The following C16orf89 variants were observed in gnomAD, a reference collection of about 807,000 sequenced individuals.
C16orf89 encodes the protein chromosome 16 open reading frame 89, also known as UPF0764 protein C16orf89.
A neutral mutation model predicts 41.5 loss-of-function variants in C16orf89; 57 were observed. The observed-to-expected ratio is 1.38, with a 90% CI of 1.11 to 1.71. C16orf89 has a LOEUF of 1.71. C16orf89 is among the 40% of genes most tolerant of loss of function. The probability of loss-of-function intolerance (pLI) is 0.00; values close to 1 mark genes in which losing one functional copy is unlikely to be tolerated. For synonymous variants in C16orf89, 223 were observed against 190.6 expected, an observed-to-expected ratio of 1.17 and a Z score of -1.40; for missense variants, 575 against 445.9, an observed-to-expected ratio of 1.29 and a Z score of -2.61.
intron 2 of C16orf89, 68 bp downstream of exon 2, chr16:5,062,357 G>C (rs1416570707): frequency 3.3e-6 from 5 of 1,505,546 alleles, no homozygotes; most frequent in Admixed American, 2.0e-5. Context: ...AGCCCACGCT[G>C]GGTTATTTCA....
chr16:5,045,148 C>T (rs148347414), intron 7 of C16orf89, among the ~76,000 whole-genome samples: 11 of 152,336 alleles, frequency 7.2e-5, no homozygotes, highest in African/African-American at 2.2e-4. Flanking sequence ...CCTGGCTTAG[C>T]CTGCTTCCCT....
chr16:5,050,930 C>A (rs1956384157), intron 6 of C16orf89, among the ~76,000 whole-genome samples: 1 of 152,038 alleles, frequency 6.6e-6, no homozygotes, highest in South Asian at 2.1e-4. Flanking sequence ...TACATTACAC[C>A]AATAGAATGA....
rs1483256990 is a variant in C16orf89, at chr16:5,058,577, G to A, written c.543C>T (p.Asp181=). 3.7e-6 allele frequency: 6 copies of A among 1,612,582 alleles called. No homozygotes were observed. The highest frequency in any genetic ancestry group is 5.1e-6 in the Non-Finnish European group (6 of 1,179,870). The change falls in exon 4 of 8, where the codon GAC becomes GAT. Residue 181 remains aspartate (D), a synonymous_variant. Coordinates refer to ENST00000472572, the MANE Select transcript of C16orf89 (RefSeq NM_001098514.3). ...GCTTGGTCATGAGGCTCCTGCAGAG[G>A]TCTGAGAGGCCGCAGGGCTCGCTGC... ...TDSSEPCGLS[D]LCRSLMTKPG...
At chr16:5,061,502 A>AAAAG (rs796550657) in intron 2 of C16orf89, among the ~76,000 whole-genome samples, 7,565 of 46,454 alleles carry the variant, frequency 0.16, 1,628 homozygotes, top group Non-Finnish European at 0.18. Flanking sequence ...AAAAAAAAAA[A>AAAAG]AACCCCCCCA....
intron 2 of C16orf89, among the ~76,000 whole-genome samples, chr16:5,060,653 A>G (rs1406644885): frequency 6.6e-6 from 1 of 152,124 alleles, no homozygotes; most frequent in African/African-American, 2.4e-5. Context: ...AGGAACAGTG[A>G]TGGGACGGGA....
chr16:5,050,076 T>C (rs931527045), intron 6 of C16orf89, among the ~76,000 whole-genome samples: 1 of 152,040 alleles, frequency 6.6e-6, no homozygotes, highest in Non-Finnish European at 1.5e-5. Flanking sequence ...TTAGAAAACC[T>C]AGTGGAGTGT....
At position 5,065,860 on chromosome 16, in the gene C16orf89, G is replaced by C. The variant is rs551406373; in HGVS notation, c.49C>G (p.Pro17Ala). 1.1e-5 allele frequency: 17 copies of C among 1,614,226 alleles called. No homozygotes were observed. The East Asian group carries it at 3.3e-4, about 32-fold the overall frequency. Residue 17 changes from proline to alanine, a missense_variant, in exon 1 of 8, where the codon CCG becomes GCG. By Grantham distance (27) the Pro-to-Ala change is conservative. Transcript: ENST00000472572. ...LLLLLLTALPPLWSSSLPGLD... is the reference protein window; with the variant it reads ...LLLLLLTALPALWSSSLPGLD... ...CCAGGCAGTGAGGAGGACCACAGCGGTGGCAGTGCTGTCAGTAAGAGCAGG... is the reference window on the plus strand; with the variant it reads ...CCAGGCAGTGAGGAGGACCACAGCGCTGGCAGTGCTGTCAGTAAGAGCAGG...
chr16:5,063,362 G>A (rs1385546931), intron 1 of C16orf89, among the ~76,000 whole-genome samples: 3 of 152,154 alleles, frequency 2.0e-5, no homozygotes, highest in African/African-American at 7.2e-5. Flanking sequence ...AAAGGCTTGG[G>A]AGTGCTGACA....
At chr16:5,055,793 G>A (rs1032065596) in intron 5 of C16orf89, 24 of 1,456,432 alleles carry the variant, frequency 1.6e-5, no homozygotes, top group Admixed American at 1.2e-4. Context: ...TTGAGTTTTC[G>A]ATAAACAATG....
intron 1 of C16orf89, among the ~76,000 whole-genome samples, chr16:5,065,075 G>C (rs951197892): frequency 1.1e-4 from 16 of 151,944 alleles, no homozygotes; most frequent in Admixed American, 2.6e-4. Flanking sequence ...ATATGCTTGT[G>C]TGCATGCGTG....
downstream of C16orf89, chr16:5,043,343 C>T (rs1319565110): frequency 6.6e-6 from 1 of 152,282 alleles, no homozygotes; most frequent in African/African-American, 2.4e-5. Flanking sequence ...GGGCGGGCCA[C>T]TGTGCCCTTC....
intron 6 of C16orf89, among the ~76,000 whole-genome samples, chr16:5,048,866 C>CCAATA (rs1369380958): frequency 2.0e-5 from 3 of 151,772 alleles, no homozygotes; most frequent in Non-Finnish European, 4.4e-5. Flanking sequence ...TCCTCACAAG[C>CCAATA]CAATAATAAC....
intron 6 of C16orf89, among the ~76,000 whole-genome samples, chr16:5,048,967 C>T (rs1044489902): frequency 2.0e-5 from 3 of 151,966 alleles, no homozygotes; most frequent in Non-Finnish European, 4.4e-5. Context: ...ATGCTGCCTA[C>T]AAGAATCTCA....
At chr16:5,048,577 A>G (rs2142608581) in intron 6 of C16orf89, among the ~76,000 whole-genome samples, 1 of 152,306 alleles carries the variant, frequency 6.6e-6, no homozygotes, top group Middle Eastern at 3.4e-3. Context: ...CAAGATAAGC[A>G]AAAAACTGAG....
At chr16:5,054,594 A>C (rs865955688) in intron 6 of C16orf89, among the ~76,000 whole-genome samples, 8 of 152,168 alleles carry the variant, frequency 5.3e-5, no homozygotes, top group African/African-American at 1.9e-4. Flanking sequence ...TGTCTGGTAC[A>C]TTAGTGGGTG....
Position 5,058,511 on chromosome 16 carries a change from G to A in C16orf89, c.609C>T (p.Phe203=), listed in dbSNP as rs781633138. The change falls in exon 4 of 8, where the codon TTC becomes TTT. Residue 203 remains phenylalanine, a synonymous_variant. Coordinates refer to ENST00000472572, the MANE Select transcript of C16orf89 (RefSeq NM_001098514.3). ...SGYCLSHQLL[F]FLWARMRGCT... Reference sequence around the variant, plus strand: ...CACTCACCATTCTGGCCCAGAGGAAGAAGAGCAGTTGGTGGGACAGGCAGT... The same window carrying A: ...CACTCACCATTCTGGCCCAGAGGAAAAAGAGCAGTTGGTGGGACAGGCAGT... The A allele has an allele frequency of 1.9e-6, 3 of 1,609,984 alleles. No individual in the cohort carries two copies. Among genetic ancestry groups the A allele is most frequent in the Non-Finnish European group, 1.7e-6 (2 of 1,177,632 alleles).
At chr16:5,058,433 G>C in intron 4 of C16orf89, 60 bp downstream of exon 4, 1 of 1,439,290 alleles carries the variant, frequency 6.9e-7, no homozygotes, top group Non-Finnish European at 9.6e-7. Flanking sequence ...ACGTCCGGCT[G>C]CCCCTTTTCC....
Position 5,049,153 on chromosome 16 carries a change from A to G in C16orf89, c.869-1189T>C, listed in dbSNP as rs368604476. 5.9e-5 allele frequency among the ~76,000 whole-genome samples: 9 copies of G among 152,352 alleles called. No homozygotes were observed. In the East Asian group the frequency reaches 9.6e-4, roughly 16 times the overall value. ...ATATAATGATAAGGAATTTAGCAAG[A>G]GGACATAACAATTCAAAAAATATAT... On this transcript the variant is annotated intron_variant, in intron 6 of 7. Transcript: ENST00000472572.
chr16:5,059,407 A>G (rs767925948), intron 3 of C16orf89, among the ~76,000 whole-genome samples: 9 of 151,754 alleles, frequency 5.9e-5, no homozygotes, highest in Non-Finnish European at 8.8e-5. Context: ...AGGAGCTTGC[A>G]GTGAGCCGAG....
Sources: allele counts gnomAD v4.1 joint callset (sites outside exome capture counted in the v4.1 genomes callset), GRCh38; gene constraint gnomAD v4.1.1; transcripts MANE v1.5; gene names NCBI Gene and HGNC (gene_info 2026-07-23, HGNC 2026-07-21).